ZDHHC24: variants seen among roughly 807,000 people sequenced by gnomAD.
The protein encoded by ZDHHC24 is zDHHC palmitoyltransferase 24.
Under a neutral mutation model 23.2 loss-of-function variants are expected in ZDHHC24, and 17 were observed. That is an observed-to-expected ratio of 0.73 (90% CI 0.50 to 1.10). ZDHHC24 has a LOEUF of 1.10. Among genes scored for constraint, ZDHHC24 ranks in the 50% least tolerant of loss-of-function variants. ZDHHC24 has a pLI of 0.00. For synonymous variants in ZDHHC24, 186 were observed against 194.5 expected (o/e 0.96, Z 0.36); for missense variants, 366 against 393.0 (o/e 0.93, Z 0.58).
chr11:66,535,197 CA>C (rs896989840), downstream of ZDHHC24, among the ~76,000 whole-genome samples: 1 of 150,888 alleles, frequency 6.6e-6, no homozygotes, highest in Non-Finnish European at 1.5e-5. Context: ...CTGGCCTGGA[CA>C]CAACTTTTGT....
At chr11:66,534,494 G>GA (rs761892826), downstream of ZDHHC24, among the ~76,000 whole-genome samples, 68 of 53,306 alleles carry the variant, frequency 1.3e-3, no homozygotes, top group Middle Eastern at 0.014. Flanking sequence ...CAAAAGAAAA[G>GA]AAAAAAAAAA....
intron 4 of ZDHHC24, chr11:66,523,672 C>T: frequency 6.2e-7 from 1 of 1,610,346 alleles, no homozygotes; most frequent in Non-Finnish European, 8.5e-7. Flanking sequence ...AGAAACCGTT[C>T]TTTCCACTGT....
downstream of ZDHHC24, among the ~76,000 whole-genome samples, chr11:66,534,856 C>T (rs1458880239): frequency 2.7e-5 from 4 of 150,778 alleles, no homozygotes; most frequent in African/African-American, 4.9e-5. Flanking sequence ...CCACCATGCC[C>T]GGCTAATTTT....
chr11:66,529,886 G>A, intron 2 of ZDHHC24: 1 of 1,609,532 alleles, frequency 6.2e-7, no homozygotes, highest in East Asian at 2.2e-5. Context: ...CCTACCTGCA[G>A]GCCCTCGAGT....
chr11:66,531,981 C>G, downstream of ZDHHC24: 1 of 1,605,406 alleles, frequency 6.2e-7, no homozygotes, highest in Non-Finnish European at 8.5e-7. Context: ...CCAAAGTGCA[C>G]CCCTGCTGAG....
chr11:66,521,297 CT>C lies in ZDHHC24; in HGVS notation c.*190del, dbSNP rs2134784600. ...GAGCCTTCCCAGCGTCCCCGTCTTC[CT>C]AGAGGTTTCTGGCCAGTTTGATGTT... On this transcript the variant is annotated 3_prime_UTR_variant, in exon 5 of 5. Transcript: ENST00000526986. 1 of 1,614,226 alleles carries C rather than the reference CT, an allele frequency of 6.2e-7. No individual in the cohort carries two copies. The highest frequency in any genetic ancestry group is 8.5e-7 in the Non-Finnish European group (1 of 1,180,038).
intron 4 of ZDHHC24, chr11:66,523,970 A>C: frequency 1.3e-6 from 2 of 1,561,076 alleles, no homozygotes; most frequent in Admixed American, 1.7e-5. Context: ...CCGACCACAC[A>C]TTGATGCATT....
At chr11:66,543,493 C>T (rs1433418095) in intron 2 of ZDHHC24, among the ~76,000 whole-genome samples, 1 of 152,198 alleles carries the variant, frequency 6.6e-6, no homozygotes, top group Non-Finnish European at 1.5e-5. Context: ...AGGAATCTCC[C>T]AATTCTCCAG....
chr11:66,532,283 C>A, downstream of ZDHHC24: 1 of 560,564 alleles, frequency 1.8e-6, no homozygotes, highest in Non-Finnish European at 3.2e-6. Flanking sequence ...CTACTACGCC[C>A]TCCCCTCCCC....
At chr11:66,530,745 G>T, downstream of ZDHHC24, 1 of 1,180,684 alleles carries the variant, frequency 8.5e-7, no homozygotes, top group Admixed American at 1.8e-5. Flanking sequence ...TGATCCCTCT[G>T]CCCCTTCTGG....
chr11:66,534,150 A>G (rs1459562229), downstream of ZDHHC24, among the ~76,000 whole-genome samples: 1 of 143,816 alleles, frequency 7.0e-6, no homozygotes, highest in Non-Finnish European at 1.5e-5. Flanking sequence ...GCCTGGGCAA[A>G]ACGAGCGAAA....
intron 3 of ZDHHC24, among the ~76,000 whole-genome samples, chr11:66,528,857 A>G (rs1221870042): frequency 6.6e-6 from 1 of 150,798 alleles, no homozygotes; most frequent in African/African-American, 2.4e-5. Context: ...AATTCCAGCT[A>G]CTCGGGAGGC....
chr11:66,523,567 C>T lies in ZDHHC24; in HGVS notation c.*22-2101G>A. 6.2e-7 allele frequency: 1 copy of T among 1,614,186 alleles called. No homozygotes were observed. The highest frequency in any genetic ancestry group is 1.1e-5 in the South Asian group (1 of 91,086). On this transcript the variant is annotated intron_variant, in intron 4 of 4. Transcript: ENST00000526986. ...GCACCCAAGACAGCCTGCATGGCTT[C>T]ACCCACAAGGTGCAGCCCCCAGCAA...
chr11:66,527,362 C>A (rs990657424), intron 3 of ZDHHC24, among the ~76,000 whole-genome samples: 5 of 151,842 alleles, frequency 3.3e-5, no homozygotes, highest in Non-Finnish European at 5.9e-5. Flanking sequence ...GTGCCAGGTG[C>A]CTTTAATTAG....
chr11:66,529,386 C>T (rs1161308251), exon 3 of ZDHHC24: 14 of 1,370,262 alleles, frequency 1.0e-5, no homozygotes, highest in African/African-American at 4.3e-5. Flanking sequence ...AGGAGGCAGG[C>T]GAGGGTGCTC....
chr11:66,529,868 T>C (rs1428228510), intron 2 of ZDHHC24: 1 of 1,610,338 alleles, frequency 6.2e-7, no homozygotes, highest in Non-Finnish European at 8.5e-7. Context: ...GCCTACGTGC[T>C]GCCCGCGCCT....
intron 4 of ZDHHC24, among the ~76,000 whole-genome samples, chr11:66,521,776 A>G (rs1432462406): frequency 6.6e-6 from 1 of 151,452 alleles, no homozygotes. Context: ...ATGGTGGCGC[A>G]TGCCTCTAGC....
chr11:66,543,552 C>CG (rs1020807573), intron 2 of ZDHHC24, 152 bp downstream of exon 2: 22 of 988,132 alleles, frequency 2.2e-5, no homozygotes, highest in Middle Eastern at 6.6e-4. Context: ...ACTGCACCCC[C>CG]GGGTGAATAC....
At chr11:66,528,928 A>C (rs1856636048) in intron 3 of ZDHHC24, 1 of 340,600 alleles carries the variant, frequency 2.9e-6, no homozygotes, top group Non-Finnish European at 4.0e-6. Context: ...AGATCACGCC[A>C]TTGCACTCCA....
Sources: allele counts gnomAD v4.1 joint callset (sites outside exome capture counted in the v4.1 genomes callset), GRCh38; gene constraint gnomAD v4.1.1; transcripts MANE v1.5; gene names NCBI Gene and HGNC (gene_info 2026-07-23, HGNC 2026-07-21).